ADAMTSL1: variants seen among roughly 807,000 people sequenced by gnomAD.
ADAMTSL1 encodes the protein ADAMTS-like protein 1.
ADAMTSL1 carries 126 observed loss-of-function variants against 201.8 expected under a neutral mutation model. The ratio of observed to expected loss-of-function variants is 0.62; its 90% confidence interval spans 0.54 to 0.72. The LOEUF (loss-of-function observed/expected upper bound fraction) is 0.72. Ranked by LOEUF, ADAMTSL1 falls within the 30% of genes least tolerant of loss-of-function variation. The pLI is 0.00. For synonymous variants in ADAMTSL1, 1,121 were observed against 903.4 expected (o/e 1.24, Z -4.32); for missense variants, 2,679 against 2,277.8 (o/e 1.18, Z -3.59).
chr9:18,638,524 C>T (rs376281620), intron 6 of ADAMTSL1, among the ~76,000 whole-genome samples: 9 of 152,070 alleles, frequency 5.9e-5, no homozygotes, highest in African/African-American at 1.9e-4. Flanking sequence ...ACCATCATCC[C>T]CAGCATGCTC....
chr9:18,741,181 G>T (rs1003495711), intron 15 of ADAMTSL1, among the ~76,000 whole-genome samples: 1 of 151,988 alleles, frequency 6.6e-6, no homozygotes, highest in African/African-American at 2.4e-5. Context: ...GTATCTTATG[G>T]TTGTCTCTAA....
intron 19 of ADAMTSL1, among the ~76,000 whole-genome samples, chr9:18,789,825 C>T (rs1821919522): frequency 6.6e-6 from 1 of 152,054 alleles, no homozygotes; most frequent in Non-Finnish European, 1.5e-5. Flanking sequence ...ACTAGAGTGA[C>T]AAGTTTGTAT....
At chr9:18,250,239 T>C (rs16936469) in intron 2 of ADAMTSL1, among the ~76,000 whole-genome samples, 27,422 of 152,154 alleles carry the variant, frequency 0.18, 2,583 homozygotes, top group East Asian at 0.25. Flanking sequence ...AGGGTTATCA[T>C]TGAGATTGTC....
intron 1 of ADAMTSL1, among the ~76,000 whole-genome samples, chr9:17,964,194 C>T (rs910408429): frequency 6.6e-6 from 1 of 152,112 alleles, no homozygotes; most frequent in Admixed American, 6.6e-5. Flanking sequence ...TTTCCTTGGT[C>T]ACTTGATGGA....
intron 1 of ADAMTSL1, among the ~76,000 whole-genome samples, chr9:17,991,223 GT>G (rs779228388): frequency 3.6e-4 from 55 of 152,146 alleles, no homozygotes; most frequent in Non-Finnish European, 5.9e-4. Flanking sequence ...AGAAGGATCA[GT>G]GTCTTCCCAG....
chr9:18,885,555 C>A (rs144232584), intron 23 of ADAMTSL1, among the ~76,000 whole-genome samples: 1 of 152,122 alleles, frequency 6.6e-6, no homozygotes, highest in Non-Finnish European at 1.5e-5. Context: ...GAAGTATAAC[C>A]GCTTTCTCAT....
chr9:18,826,517 T>A, intron 22 of ADAMTSL1, 54 bp downstream of exon 22: 1 of 1,559,230 alleles, frequency 6.4e-7, no homozygotes, highest in African/African-American at 1.4e-5. Context: ...AGTGACTATC[T>A]AACCCACCCT....
At chr9:18,092,530 T>C (rs1333397873) in intron 1 of ADAMTSL1, among the ~76,000 whole-genome samples, 1 of 152,228 alleles carries the variant, frequency 6.6e-6, no homozygotes, top group African/African-American at 2.4e-5. Flanking sequence ...TTTTTCTTGA[T>C]GTGGATAATT....
At chr9:18,714,652 C>A (rs1256552742) in intron 14 of ADAMTSL1, among the ~76,000 whole-genome samples, 1 of 149,098 alleles carries the variant, frequency 6.7e-6, no homozygotes, top group African/African-American at 2.4e-5. Flanking sequence ...GATTCACAGC[C>A]GAATTCTACC....
intron 1 of ADAMTSL1, among the ~76,000 whole-genome samples, chr9:17,979,509 G>T (rs1349784883): frequency 7.3e-6 from 1 of 136,440 alleles, no homozygotes; most frequent in African/African-American, 2.6e-5. Context: ...TTCATTCACT[G>T]TATTCCTCAG....
intron 1 of ADAMTSL1, among the ~76,000 whole-genome samples, chr9:18,493,558 A>G (rs1187336678): frequency 2.0e-5 from 3 of 152,218 alleles, no homozygotes; most frequent in Non-Finnish European, 4.4e-5. Flanking sequence ...GGACTTGGAT[A>G]AAGCTAGATT....
intron 2 of ADAMTSL1, among the ~76,000 whole-genome samples, chr9:18,455,965 T>A (rs909733267): frequency 6.6e-6 from 1 of 152,174 alleles, no homozygotes; most frequent in Non-Finnish European, 1.5e-5. Context: ...TTCTTATCTC[T>A]GACTAAAAGC....
intron 1 of ADAMTSL1, among the ~76,000 whole-genome samples, chr9:17,954,057 G>T (rs1299433900): frequency 1.3e-5 from 2 of 151,942 alleles, no homozygotes; most frequent in Non-Finnish European, 2.9e-5. Flanking sequence ...TGGAAGGTCT[G>T]GGGCTGGCTG....
chr9:18,528,079 C>T (rs1466287787), intron 2 of ADAMTSL1, among the ~76,000 whole-genome samples: 5 of 152,036 alleles, frequency 3.3e-5, no homozygotes, highest in African/African-American at 7.2e-5. Flanking sequence ...GGTTTCATCA[C>T]GTTGGCCAGG....
At chr9:18,254,284 T>G (rs947245434) in intron 2 of ADAMTSL1, among the ~76,000 whole-genome samples, 4 of 150,534 alleles carry the variant, frequency 2.7e-5, no homozygotes, top group Admixed American at 6.6e-5. Flanking sequence ...GGTGGCCACG[T>G]TTTCTTTTCA....
chr9:18,293,522 C>G (rs1200594220), intron 2 of ADAMTSL1, among the ~76,000 whole-genome samples: 3 of 152,118 alleles, frequency 2.0e-5, no homozygotes, highest in Admixed American at 6.5e-5. Context: ...GCCCTGGGTG[C>G]CAAGCTCAGC....
chr9:18,081,179 T>G (rs888233382), intron 1 of ADAMTSL1, among the ~76,000 whole-genome samples: 4 of 152,202 alleles, frequency 2.6e-5, no homozygotes, highest in Non-Finnish European at 1.5e-5. Flanking sequence ...TCTATCAGAA[T>G]TAGTAAGTGG....
At chr9:18,899,017 G>C (rs866515837) in intron 26 of ADAMTSL1, among the ~76,000 whole-genome samples, 3 of 152,168 alleles carry the variant, frequency 2.0e-5, no homozygotes, top group African/African-American at 7.2e-5. Flanking sequence ...ATCTTTGTTT[G>C]CAGATGATAT....
chr9:18,295,408 G>A (rs112534645), intron 2 of ADAMTSL1, among the ~76,000 whole-genome samples: 5,160 of 151,490 alleles, frequency 0.034, 163 homozygotes, highest in African/African-American at 0.083. Context: ...GCGCGATCTT[G>A]GCTCACTGCA....
Sources: gnomAD v4.1 joint callset for allele counts (sites outside exome capture counted in the v4.1 genomes callset) on GRCh38, gnomAD v4.1.1 for gene constraint, MANE v1.5 for transcripts, NCBI Gene and HGNC (gene_info 2026-07-23, HGNC 2026-07-21) for gene names.